TMEM232: variants seen among roughly 807,000 people sequenced by gnomAD.
The protein encoded by TMEM232 is transmembrane protein 232.
A neutral mutation model predicts 78.8 loss-of-function variants in TMEM232; 80 were observed. The observed-to-expected ratio is 1.01, with a 90% confidence interval of 0.85 to 1.22. The LOEUF (loss-of-function observed/expected upper bound fraction) is 1.22, where lower values mean the gene tolerates loss of function less well. TMEM232 is among the 50% of genes most tolerant of loss of function. TMEM232 has a pLI of 0.00. For synonymous variants in TMEM232, 297 were observed against 254.3 expected (o/e 1.17, Z -1.60); for missense variants, 881 against 742.2 (o/e 1.19, Z -2.17).
intron 2 of TMEM232, among the ~76,000 whole-genome samples, chr5:110,414,176 C>T (rs59506017): frequency 0.16 from 23,593 of 152,112 alleles, 3,328 homozygotes; most frequent in African/African-American, 0.36. Context: ...AAGGTCATTC[C>T]TGCTGTTATT....
chr5:110,718,113 A>G (rs1330232693), intron 1 of TMEM232, among the ~76,000 whole-genome samples: 1 of 152,162 alleles, frequency 6.6e-6, no homozygotes, highest in Non-Finnish European at 1.5e-5. Flanking sequence ...TATTAAAATT[A>G]TACATATTTG....
chr5:110,602,116 CCTTA>C (rs1780989040), intron 10 of TMEM232, among the ~76,000 whole-genome samples: 1 of 152,080 alleles, frequency 6.6e-6, no homozygotes, highest in Admixed American at 6.6e-5. Flanking sequence ...AAACTGGACC[CCTTA>C]CTTAAACCTT....
At chr5:110,558,683 A>G (rs532872649) in intron 11 of TMEM232, among the ~76,000 whole-genome samples, 26 of 152,292 alleles carry the variant, frequency 1.7e-4, no homozygotes, top group East Asian at 7.7e-4. Flanking sequence ...CTAGAGAAGC[A>G]TGGTAAACTT....
chr5:110,582,295 A>G (rs534939746), intron 10 of TMEM232, among the ~76,000 whole-genome samples: 1 of 152,032 alleles, frequency 6.6e-6, no homozygotes, highest in Admixed American at 6.6e-5. Flanking sequence ...TAAAAAACAT[A>G]TGGTACATAT....
chr5:110,554,441 T>G (rs1774835080), intron 11 of TMEM232, among the ~76,000 whole-genome samples: 1 of 152,248 alleles, frequency 6.6e-6, no homozygotes, highest in Non-Finnish European at 1.5e-5. Context: ...TAATACTTAA[T>G]AAACTGCCTT....
intron 1 of TMEM232, chr5:110,735,100 G>A (rs933083925): frequency 6.6e-6 from 1 of 152,206 alleles, no homozygotes; most frequent in African/African-American, 2.4e-5. Flanking sequence ...CTTAATATAT[G>A]TTGCTGAGTG....
At chr5:110,700,528 C>G (rs1198740135) in intron 1 of TMEM232, among the ~76,000 whole-genome samples, 1 of 151,984 alleles carries the variant, frequency 6.6e-6, no homozygotes, top group Non-Finnish European at 1.5e-5. Context: ...TAGAGGACTC[C>G]CTTTCCAAAG....
chr5:110,474,272 G>T (rs1352636808), intron 12 of TMEM232, among the ~76,000 whole-genome samples: 1 of 151,824 alleles, frequency 6.6e-6, no homozygotes, highest in Non-Finnish European at 1.5e-5. Flanking sequence ...ATTATTATAT[G>T]TCAATTAAAA....
intron 12 of TMEM232, among the ~76,000 whole-genome samples, chr5:110,447,151 G>GTA (rs201670078): frequency 0.012 from 1,748 of 149,554 alleles, 24 homozygotes; most frequent in East Asian, 0.067. Context: ...ATATATATGT[G>GTA]TATATATATA....
At chr5:110,698,543 G>T (rs940997073) in intron 1 of TMEM232, among the ~76,000 whole-genome samples, 1 of 152,032 alleles carries the variant, frequency 6.6e-6, no homozygotes, top group African/African-American at 2.4e-5. Flanking sequence ...GGACACACAG[G>T]ACTCATCTTA....
intron 10 of TMEM232, among the ~76,000 whole-genome samples, chr5:110,601,210 G>A (rs1433152166): frequency 2.6e-5 from 4 of 152,050 alleles, no homozygotes; most frequent in African/African-American, 7.2e-5. Flanking sequence ...TACTGAATAG[G>A]CAAAAGCTAG....
At chr5:110,521,740 T>C (rs914760499) in intron 12 of TMEM232, among the ~76,000 whole-genome samples, 1 of 152,184 alleles carries the variant, frequency 6.6e-6, no homozygotes, top group Non-Finnish European at 1.5e-5. Flanking sequence ...CTTGGAAACC[T>C]TGTCAATGGT....
At position 110,542,302 on chromosome 5, in the gene TMEM232, TACTA is replaced by T. The variant is rs546186608; in HGVS notation, c.1456-13471_1456-13468del. Among the ~76,000 whole-genome samples the T allele has an allele frequency of 1.8e-3, 273 of 152,336 alleles. 3 individuals are homozygous for T. Among genetic ancestry groups the T allele is most frequent in the African/African-American group, 5.7e-3 (236 of 41,588 alleles). On this transcript the variant is annotated intron_variant, in intron 11 of 13. Transcript: ENST00000455884. ...CAGATGGATGGAACCACTTCCTTTG[TACTA>T]ACTAAGCAGAATGTTTTAATTCAGT...
chr5:110,701,816 C>A (rs1396289310), intron 1 of TMEM232, among the ~76,000 whole-genome samples: 4 of 151,950 alleles, frequency 2.6e-5, no homozygotes, highest in African/African-American at 7.2e-5. Context: ...CCTTGTTATG[C>A]TCCACAAATC....
chr5:110,601,639 T>C (rs1381346545), intron 10 of TMEM232, among the ~76,000 whole-genome samples: 2 of 151,960 alleles, frequency 1.3e-5, no homozygotes, highest in East Asian at 3.9e-4. Context: ...CTCAAGGAAA[T>C]AAGAGAGGAC....
intron 1 of TMEM232, among the ~76,000 whole-genome samples, chr5:110,689,696 G>T (rs1793857341): frequency 6.6e-6 from 1 of 152,052 alleles, no homozygotes; most frequent in Admixed American, 6.6e-5. Flanking sequence ...TAAGCAAAAA[G>T]AACAAACCTG....
intron 2 of TMEM232, among the ~76,000 whole-genome samples, chr5:110,399,417 T>G (rs528642132): frequency 6.6e-6 from 1 of 152,256 alleles, no homozygotes; most frequent in South Asian, 2.1e-4. Context: ...AAACAAAAAC[T>G]TTTAACCCAG....
intron 2 of TMEM232, among the ~76,000 whole-genome samples, chr5:110,655,959 T>C (rs1788988969): frequency 6.8e-6 from 1 of 147,420 alleles, no homozygotes; most frequent in Non-Finnish European, 1.5e-5. Flanking sequence ...TAATGCTAAA[T>C]GACGAGTTAG....
At chr5:110,512,134 T>A (rs564006822) in intron 12 of TMEM232, among the ~76,000 whole-genome samples, 1 of 152,218 alleles carries the variant, frequency 6.6e-6, no homozygotes, top group African/African-American at 2.4e-5. Context: ...TAATTTTACA[T>A]GAATATGTGT....
Sources: gnomAD v4.1 joint callset for allele counts (sites outside exome capture counted in the v4.1 genomes callset) on GRCh38, gnomAD v4.1.1 for gene constraint, MANE v1.5 for transcripts, NCBI Gene and HGNC (gene_info 2026-07-23, HGNC 2026-07-21) for gene names.